Variants in C10orf90 observed in about 807,000 individuals in gnomAD.
The protein encoded by C10orf90 is (E2-independent) E3 ubiquitin-conjugating enzyme FATS.
A neutral mutation model predicts 62.5 loss-of-function variants in C10orf90; 56 were observed. That is an observed-to-expected ratio of 0.90 (90% CI 0.72 to 1.12). The LOEUF (loss-of-function observed/expected upper bound fraction) is 1.12, where lower values mean the gene tolerates loss of function less well. C10orf90 is among the 50% of genes most tolerant of loss of function. The pLI is 0.00. For missense variants in C10orf90, 970 were observed against 880.4 expected (o/e 1.10, Z -1.29); for synonymous variants, 386 against 340.4 (o/e 1.13, Z -1.47).
chr10:126,659,114 C>T (rs1013649191), intron 1 of C10orf90, among the ~76,000 whole-genome samples: 11 of 152,216 alleles, frequency 7.2e-5, no homozygotes, highest in African/African-American at 2.4e-4. Flanking sequence ...AAGCACACGG[C>T]ATCTCCCATT....
At chr10:126,644,612 C>T (rs185607529) in intron 2 of C10orf90, among the ~76,000 whole-genome samples, 3 of 152,352 alleles carry the variant, frequency 2.0e-5, no homozygotes, top group South Asian at 2.1e-4. Context: ...AACAATTTCC[C>T]TGCAGCCTGC....
At chr10:126,538,393 C>T (rs148328519) in intron 2 of C10orf90, among the ~76,000 whole-genome samples, 94 of 152,302 alleles carry the variant, frequency 6.2e-4, no homozygotes, top group Middle Eastern at 3.4e-3. Context: ...GGATTGTCAT[C>T]GAACCACAGG....
rs1003626728 is a variant in C10orf90, at chr10:126,573,261, C to T, written c.314-59322G>A. ...ACCTGCACTGGTAATTAGAACAGAA[C>T]AGAACAGGACAGGGATTTTCACAGT... On this transcript the variant is annotated intron_variant, in intron 2 of 9. Transcript: ENST00000488181. Among the ~76,000 whole-genome samples the T allele has an allele frequency of 4.6e-5, 7 of 152,120 alleles. No individual in the cohort carries two copies. The East Asian group carries it at 1.2e-3, about 25-fold the overall frequency.
At chr10:126,604,538 T>C (rs1210475800) in intron 2 of C10orf90, among the ~76,000 whole-genome samples, 1 of 152,208 alleles carries the variant, frequency 6.6e-6, no homozygotes, top group Non-Finnish European at 1.5e-5. Context: ...AAAGATAATC[T>C]GTAAGACACA....
At chr10:126,584,046 G>A (rs778421438) in intron 2 of C10orf90, among the ~76,000 whole-genome samples, 5 of 152,124 alleles carry the variant, frequency 3.3e-5, no homozygotes, top group Non-Finnish European at 7.4e-5. Context: ...CCTGAGCCCA[G>A]GAAATCAGGG....
intron 4 of C10orf90, among the ~76,000 whole-genome samples, chr10:126,496,953 A>G (rs1040462789): frequency 6.6e-6 from 1 of 152,210 alleles, no homozygotes; most frequent in African/African-American, 2.4e-5. Context: ...CAAGTATAAC[A>G]ATGACCTCTA....
chr10:126,443,902 A>C (rs896821547), intron 7 of C10orf90, among the ~76,000 whole-genome samples: 1 of 152,260 alleles, frequency 6.6e-6, no homozygotes, highest in Admixed American at 6.5e-5. Flanking sequence ...ACACCACCTA[A>C]ACAGAATTAA....
At position 126,504,123 on chromosome 10, in the gene C10orf90, A is replaced by G. The variant is rs947344871; in HGVS notation, c.1368T>C (p.Ala456=). The change falls in exon 4 of 10, where the codon GCT becomes GCC. Residue 456 remains alanine (A), a synonymous_variant. Coordinates refer to ENST00000488181, the MANE Select transcript of C10orf90 (RefSeq NM_001350921.2). This position sits in a 1 kb window ranked among gnomAD's most constrained non-coding sequence, Gnocchi z 4.1. ...SLRRVHLGTG[A]CPWSGSFPLE... The stretch of plus-strand genomic sequence containing the variant: ...ATGGAAAAGAACCACTCCAAGGACA[A>G]GCGCCGGTCCCCAAATGCACCCGCC... 4 of 1,613,994 alleles carry G rather than the reference A, an allele frequency of 2.5e-6. No homozygotes were observed. The African/African-American group carries it at 5.3e-5, about 22-fold the overall frequency.
At chr10:126,447,415 G>A (rs546117893) in intron 7 of C10orf90, among the ~76,000 whole-genome samples, 17 of 152,078 alleles carry the variant, frequency 1.1e-4, no homozygotes, top group African/African-American at 4.1e-4. Flanking sequence ...TAGACTTTAA[G>A]TCCAAAACTG....
chr10:126,601,010 C>T (rs947246352), intron 2 of C10orf90, among the ~76,000 whole-genome samples: 1 of 152,198 alleles, frequency 6.6e-6, no homozygotes, highest in Admixed American at 6.5e-5. Context: ...GAGTATTATT[C>T]AGCCTTTAAA....
At position 126,504,591 on chromosome 10, in the gene C10orf90, G is replaced by A; in HGVS notation, c.900C>T (p.Ser300=). The part of the protein sequence containing the change: ...FACTEFSRNS[S]VVRLKVPEAH... ...CCTCGGGAACCTTCAGCCGCACCACGGAGCTGTTTCTGGAGAACTCTGTGC... is the reference window on the plus strand; with the variant it reads ...CCTCGGGAACCTTCAGCCGCACCACAGAGCTGTTTCTGGAGAACTCTGTGC... The change falls in exon 4 of 10, where the codon TCC becomes TCT. Residue 300 remains serine (S), a synonymous_variant. Coordinates refer to ENST00000488181, the MANE Select transcript of C10orf90 (RefSeq NM_001350921.2). This position sits in a 1 kb window ranked among gnomAD's most constrained non-coding sequence, Gnocchi z 4.1. The A allele has an allele frequency of 6.2e-7, 1 of 1,614,140 alleles. No homozygotes were observed. The highest frequency in any genetic ancestry group is 1.1e-5 in the South Asian group (1 of 91,080).
chr10:126,489,272 C>T (rs562591660), intron 4 of C10orf90, among the ~76,000 whole-genome samples: 2 of 151,930 alleles, frequency 1.3e-5, no homozygotes, highest in South Asian at 4.2e-4. Flanking sequence ...GAAAGAAAAT[C>T]CCATTATTAT....
chr10:126,523,084 T>C (rs1390872680), intron 2 of C10orf90: 2 of 152,376 alleles, frequency 1.3e-5, no homozygotes, highest in East Asian at 1.9e-4. Context: ...CAGAAAATTA[T>C]GGTTTATAAT....
chr10:126,434,471 A>G (rs1005037116), intron 7 of C10orf90, among the ~76,000 whole-genome samples: 1 of 152,206 alleles, frequency 6.6e-6, no homozygotes, highest in Non-Finnish European at 1.5e-5. Flanking sequence ...ACGATTTATT[A>G]GGACAATGCT....
At chr10:126,595,893 G>T (rs1414900203) in intron 2 of C10orf90, among the ~76,000 whole-genome samples, 1 of 151,872 alleles carries the variant, frequency 6.6e-6, no homozygotes, top group Admixed American at 6.6e-5. Context: ...TCAAGTTCAG[G>T]AGACTATGAC....
rs574078736 is a variant in C10orf90, at chr10:126,436,643, C to T, written c.2189-6793G>A. ...AGATTTGGTTCCTCTGCACCCATTG[C>T]GGGAGCAGAATCATTTTTTAAAAAC... On this transcript the variant is annotated intron_variant, in intron 7 of 9. Transcript: ENST00000488181. Among the ~76,000 whole-genome samples, 10 of 152,184 alleles carry T rather than the reference C, an allele frequency of 6.6e-5. 1 individual carries two copies. The highest frequency in any genetic ancestry group is 6.8e-3 in the Middle Eastern group (2 of 292).
intron 2 of C10orf90, among the ~76,000 whole-genome samples, chr10:126,565,057 A>G (rs1844308466): frequency 4.1e-5 from 1 of 24,586 alleles, no homozygotes; most frequent in Non-Finnish European, 7.3e-5. Flanking sequence ...TATAATATAT[A>G]AAATATATAT....
intron 2 of C10orf90, among the ~76,000 whole-genome samples, chr10:126,613,523 G>T (rs1845481308): frequency 6.6e-6 from 1 of 152,178 alleles, no homozygotes; most frequent in East Asian, 1.9e-4. Context: ...TGGGATTACA[G>T]GCATGAGCCA....
chr10:126,445,816 T>TAC (rs1181286352), intron 7 of C10orf90, among the ~76,000 whole-genome samples: 1 of 120,518 alleles, frequency 8.3e-6, no homozygotes, highest in Non-Finnish European at 1.7e-5. Flanking sequence ...TATATATATA[T>TAC]ATATATATAT....
Sources: allele counts gnomAD v4.1 joint callset (sites outside exome capture counted in the v4.1 genomes callset), GRCh38; gene constraint gnomAD v4.1.1; non-coding constraint Gnocchi (gnomAD v3.1); transcripts MANE v1.5; gene names NCBI Gene and HGNC (gene_info 2026-07-23, HGNC 2026-07-21).